The following CAMSAP2 variants were observed in gnomAD, a reference collection of about 807,000 sequenced individuals.
The protein encoded by CAMSAP2 is calmodulin regulated spectrin associated protein family member 2.
CAMSAP2 carries 26 observed loss-of-function variants against 146.1 expected under a neutral mutation model. The ratio of observed to expected loss-of-function variants is 0.18; its 90% confidence interval spans 0.13 to 0.25. The LOEUF (loss-of-function observed/expected upper bound fraction) is 0.25. CAMSAP2 is among the 10% of genes least tolerant of loss of function. The pLI, the probability that CAMSAP2 is intolerant of heterozygous loss-of-function variation, is 1.00. For synonymous variants in CAMSAP2, 499 were observed against 596.6 expected, an observed-to-expected ratio of 0.84 and a Z score of 2.38; for missense variants, 1,381 against 1,759.3, an observed-to-expected ratio of 0.78 and a Z score of 3.85.
intron 1 of CAMSAP2, among the ~76,000 whole-genome samples, chr1:200,744,770 A>G (rs1664274027): frequency 6.6e-6 from 1 of 152,150 alleles, no homozygotes; most frequent in African/African-American, 2.4e-5. Context: ...TAGGCATGGT[A>G]GATGGAGGAA....
At position 200,760,577 on chromosome 1, in the gene CAMSAP2, A is replaced by G. The variant is rs539851927; in HGVS notation, c.140-262A>G. On this transcript the variant is annotated intron_variant, in intron 1 of 16. Coordinates refer to ENST00000358823, the MANE Select transcript of CAMSAP2 (RefSeq NM_203459.4). ...TGGGAATACTTTCCCAAGAGCCACT[A>G]GACTCAGAAAGCTTTTCTCCTTGTC... Among the ~76,000 whole-genome samples the G allele has an allele frequency of 3.3e-5, 5 of 152,328 alleles. No individual in the cohort carries two copies. The South Asian group carries it at 1.0e-3, about 32-fold the overall frequency.
rs1228441104 is a variant in CAMSAP2 at position 200,738,961 on chromosome 1, G to T, written c.-867G>T. On this transcript the variant is annotated 5_prime_UTR_variant, in exon 1 of 17. It adds an upstream start codon to the 5' untranslated region. Transcript: ENST00000358823. ...CCGCAGCGGCGGCGGCGGCGGCTGA[G>T]GGGGAACGATCCAGCGAGCTGCAGA... Among the ~76,000 whole-genome samples, 4 of 152,002 alleles carry T rather than the reference G, an allele frequency of 2.6e-5. No homozygotes were observed. The highest frequency in any genetic ancestry group is 7.2e-5 in the African/African-American group (3 of 41,468).
chr1:200,830,197 A>G (rs1667007014), intron 4 of CAMSAP2, among the ~76,000 whole-genome samples: 4 of 152,232 alleles, frequency 2.6e-5, no homozygotes, highest in Admixed American at 2.0e-4. Flanking sequence ...TTTACTTAAT[A>G]TATCTTCTAG....
intron 2 of CAMSAP2, among the ~76,000 whole-genome samples, chr1:200,765,674 A>T (rs541802268): frequency 2.0e-5 from 3 of 152,350 alleles, no homozygotes; most frequent in African/African-American, 7.2e-5. Context: ...AGATACTGAG[A>T]TCTTAGAGGT....
At chr1:200,785,286 G>C (rs997836597) in intron 2 of CAMSAP2, among the ~76,000 whole-genome samples, 21 of 152,008 alleles carry the variant, frequency 1.4e-4, no homozygotes, top group African/African-American at 4.6e-4. Flanking sequence ...CTACTCCACT[G>C]TTTTCTGAAA....
chr1:200,844,713 G>A, intron 7 of CAMSAP2, 69 bp from the exon 8 acceptor site: 1 of 800,886 alleles, frequency 1.2e-6, no homozygotes, highest in Non-Finnish European at 2.0e-6. Context: ...TTATAAATTT[G>A]CTTATGGTCC....
chr1:200,814,924 C>T (rs1666441500), intron 3 of CAMSAP2, among the ~76,000 whole-genome samples: 1 of 151,060 alleles, frequency 6.6e-6, no homozygotes, highest in African/African-American at 2.4e-5. Context: ...CAAAAATTAT[C>T]TAAAGTCTTC....
intron 1 of CAMSAP2, among the ~76,000 whole-genome samples, chr1:200,746,679 C>A (rs148760979): frequency 0.015 from 2,210 of 149,068 alleles, 35 homozygotes; most frequent in Non-Finnish European, 0.023. Context: ...AGTGCAGTGG[C>A]GTGATCTCGG....
intron 4 of CAMSAP2, among the ~76,000 whole-genome samples, chr1:200,817,191 T>TACACAC (rs71135399): frequency 2.2e-5 from 3 of 133,530 alleles, no homozygotes; most frequent in Non-Finnish European, 5.0e-5. Context: ...CACACACACA[T>TACACAC]GTGTGTGTGT....
intron 3 of CAMSAP2, among the ~76,000 whole-genome samples, chr1:200,813,617 A>G (rs552406099): frequency 6.6e-6 from 1 of 152,336 alleles, no homozygotes; most frequent in Admixed American, 6.5e-5. Context: ...GTGCACATAC[A>G]TGAGTGAATG....
intron 1 of CAMSAP2, among the ~76,000 whole-genome samples, chr1:200,744,025 T>G (rs1028096597): frequency 2.0e-5 from 3 of 152,332 alleles, no homozygotes; most frequent in Non-Finnish European, 2.9e-5. Flanking sequence ...TGTCAAGCAC[T>G]TTACACATAC....
chr1:200,761,114 C>A lies in CAMSAP2; in HGVS notation c.399+16C>A, dbSNP rs776102607. On this transcript the variant is annotated intron_variant, in intron 2 of 16. Coordinates refer to ENST00000358823, the MANE Select transcript of CAMSAP2 (RefSeq NM_203459.4). The stretch of plus-strand genomic sequence containing the variant: ...CATACAGATGGTGAGTCTTTATATA[C>A]CCAAGATTATTTTAAGTTTGAAGTG... The A allele has an allele frequency of 4.3e-6, 7 of 1,609,478 alleles. No individual in the cohort carries two copies. The Admixed American group carries it at 5.0e-5, about 12-fold the overall frequency.
chr1:200,776,718 C>T (rs1181161741), intron 2 of CAMSAP2, among the ~76,000 whole-genome samples: 7 of 151,546 alleles, frequency 4.6e-5, no homozygotes, highest in South Asian at 2.1e-4. Flanking sequence ...AGTGAGACTC[C>T]GTCTTAAAAA....
At chr1:200,798,558 A>G (rs1665950731) in intron 2 of CAMSAP2, among the ~76,000 whole-genome samples, 1 of 139,750 alleles carries the variant, frequency 7.2e-6, no homozygotes, top group Admixed American at 7.4e-5. Context: ...CAGCTTAAGG[A>G]GATTTTGGGC....
At position 200,770,678 on chromosome 1, in the gene CAMSAP2, T is replaced by G. The variant is rs544658594; in HGVS notation, c.399+9580T>G. ...ATCCACCCACCTCGGCCTCCCAAAG[T>G]GCTGGGATTACAGGCGTGAGCCACC... On this transcript the variant is annotated intron_variant, in intron 2 of 16. Transcript: ENST00000358823. 6.6e-5 allele frequency among the ~76,000 whole-genome samples: 10 copies of G among 152,274 alleles called. No homozygotes were observed. In the South Asian group the frequency reaches 2.1e-3, roughly 32 times the overall value.
rs185565328 is a variant in CAMSAP2, at chr1:200,811,201, T to C, written c.561+3664T>C. Among the ~76,000 whole-genome samples the C allele has an allele frequency of 4.6e-5, 7 of 152,284 alleles. No individual in the cohort carries two copies. The East Asian group carries it at 1.4e-3, about 29-fold the overall frequency. On this transcript the variant is annotated intron_variant, in intron 3 of 16. Transcript: ENST00000358823. ...AGGTGTTTACCAAGCCCTCCTCTAC[T>C]TGGTGGGATTTGAACAACAAACTCT...
chr1:200,789,228 T>G (rs1410113107), intron 2 of CAMSAP2, among the ~76,000 whole-genome samples: 5 of 152,174 alleles, frequency 3.3e-5, no homozygotes, highest in African/African-American at 1.2e-4. Flanking sequence ...GATTGTGCAT[T>G]TGGTTTTGTA....
At chr1:200,856,810 A>G (rs966638150) in intron 15 of CAMSAP2, among the ~76,000 whole-genome samples, 1 of 152,174 alleles carries the variant, frequency 6.6e-6, no homozygotes, top group African/African-American at 2.4e-5. Context: ...CTTGCTAGAG[A>G]CCCACTCTGT....
intron 1 of CAMSAP2, among the ~76,000 whole-genome samples, chr1:200,749,157 G>C (rs1000058825): frequency 6.6e-5 from 10 of 152,224 alleles, no homozygotes; most frequent in Non-Finnish European, 1.3e-4. Context: ...TACATTTCAT[G>C]TGTCCTGTCT....
Sources: allele counts gnomAD v4.1 joint callset (sites outside exome capture counted in the v4.1 genomes callset), GRCh38; gene constraint gnomAD v4.1.1; transcripts MANE v1.5; gene names NCBI Gene and HGNC (gene_info 2026-07-23, HGNC 2026-07-21).